NAA25: variants seen among roughly 807,000 people sequenced by gnomAD.
NAA25 encodes the protein N-alpha-acetyltransferase 25, NatB auxiliary subunit.
Under a neutral mutation model 132.5 loss-of-function variants are expected in NAA25, and 30 were observed. That is an observed-to-expected ratio of 0.23 (90% CI 0.17 to 0.31). The LOEUF (loss-of-function observed/expected upper bound fraction) is 0.31. NAA25 is among the 10% of genes least tolerant of loss of function. NAA25 has a pLI of 1.00. For missense variants in NAA25, 771 were observed against 1,150.4 expected (o/e 0.67, Z 4.77); for synonymous variants, 359 against 401.9 (o/e 0.89, Z 1.28).
At position 112,060,374 on chromosome 12, in the gene NAA25, A is replaced by T. The variant is rs1348838110; in HGVS notation, c.1358-15T>A. On this transcript the variant is annotated splice_polypyrimidine_tract_variant and intron_variant, in intron 12 of 23. Coordinates refer to ENST00000261745, the MANE Select transcript of NAA25 (RefSeq NM_024953.4). ...ACAGGTTTTCCCTATGGGGGAAAAA[A>T]ATCATATCTATTTTAACATTTGTTC... The T allele has an allele frequency of 6.5e-7, 1 of 1,540,698 alleles. No homozygotes were observed. Among genetic ancestry groups the T allele is most frequent in the Middle Eastern group, 1.7e-4 (1 of 5,926 alleles).
chr12:112,066,218 T>A (rs954170172), intron 11 of NAA25, among the ~76,000 whole-genome samples: 2 of 152,180 alleles, frequency 1.3e-5, no homozygotes, highest in Non-Finnish European at 2.9e-5. Flanking sequence ...CATCTAAAAG[T>A]AGCAAAGTGT....
At chr12:112,078,104 C>A in intron 7 of NAA25, 84 bp downstream of exon 7, 3 of 914,400 alleles carry the variant, frequency 3.3e-6, no homozygotes, top group Admixed American at 2.3e-5. Flanking sequence ...TCTTTATATC[C>A]TTATGTGGAA....
chr12:112,096,982 C>T (rs573328277), intron 1 of NAA25, among the ~76,000 whole-genome samples: 3 of 152,246 alleles, frequency 2.0e-5, no homozygotes, highest in Admixed American at 6.5e-5. Flanking sequence ...CTGTAGTTGA[C>T]GAGGTTCTGA....
At chr12:112,066,442 G>A (rs752895145) in intron 11 of NAA25, among the ~76,000 whole-genome samples, 1 of 152,174 alleles carries the variant, frequency 6.6e-6, no homozygotes, top group African/African-American at 2.4e-5. Flanking sequence ...TCACTACTAA[G>A]AAAGATATTT....
intron 7 of NAA25, 26 bp downstream of exon 7, chr12:112,078,162 G>C: frequency 6.9e-7 from 1 of 1,442,494 alleles, no homozygotes; most frequent in Non-Finnish European, 9.5e-7. Context: ...AAAAAAAAAA[G>C]CTTTAAGAAA....
chr12:112,096,426 C>G (rs769286385), intron 1 of NAA25, among the ~76,000 whole-genome samples: 12 of 152,200 alleles, frequency 7.9e-5, no homozygotes, highest in Non-Finnish European at 1.6e-4. Context: ...TTTTACTATA[C>G]TAAATTTTTC....
chr12:112,080,989 G>A (rs946949679), intron 5 of NAA25, 71 bp downstream of exon 5: 48 of 1,295,682 alleles, frequency 3.7e-5, no homozygotes, highest in South Asian at 9.6e-5. Context: ...CAGTTCAGAA[G>A]ACACACTGAG....
chr12:112,072,444 C>T (rs906339583), intron 9 of NAA25, among the ~76,000 whole-genome samples: 2 of 151,500 alleles, frequency 1.3e-5, no homozygotes, highest in African/African-American at 4.9e-5. Context: ...CCCATCTCTA[C>T]TAAAAGTATA....
intron 10 of NAA25, 126 bp from the exon 11 acceptor site, chr12:112,069,118 T>C (rs1053503659): frequency 2.4e-5 from 15 of 621,520 alleles, no homozygotes; most frequent in Non-Finnish European, 2.9e-5. Context: ...GGTCCCAAGA[T>C]AGCGGGTTAT....
At chr12:112,055,324 A>T (rs1197994103) in intron 13 of NAA25, among the ~76,000 whole-genome samples, 1 of 152,198 alleles carries the variant, frequency 6.6e-6, no homozygotes, top group Non-Finnish European at 1.5e-5. Flanking sequence ...AAACACACAC[A>T]CAGAAAATTC....
chr12:112,103,408 G>A (rs2079321789), intron 1 of NAA25, among the ~76,000 whole-genome samples: 1 of 152,194 alleles, frequency 6.6e-6, no homozygotes, highest in Non-Finnish European at 1.5e-5. Flanking sequence ...TTATGAGCAA[G>A]GTTTTGGTAT....
At chr12:112,075,599 C>T in intron 8 of NAA25, 79 bp downstream of exon 8, 1 of 1,212,962 alleles carries the variant, frequency 8.2e-7, no homozygotes. Flanking sequence ...AACTTCAAAA[C>T]ACAGACACCA....
chr12:112,074,561 G>A, intron 9 of NAA25, 114 bp downstream of exon 9: 1 of 568,336 alleles, frequency 1.8e-6, no homozygotes, highest in Non-Finnish European at 3.0e-6. Context: ...GTCTTACTTT[G>A]AAAGGAATAC....
intron 10 of NAA25, among the ~76,000 whole-genome samples, chr12:112,070,702 G>A (rs766685953): frequency 2.0e-5 from 3 of 151,784 alleles, no homozygotes; most frequent in African/African-American, 4.8e-5. Flanking sequence ...TCAGCCTCCC[G>A]AGTAGCTGAG....
Position 112,027,167 on chromosome 12 carries a change from A to C in NAA25, c.*2364T>G, listed in dbSNP as rs1289193905. On this transcript the variant is annotated 3_prime_UTR_variant, in exon 24 of 24. Coordinates refer to ENST00000261745, the MANE Select transcript of NAA25 (RefSeq NM_024953.4). ...TTTCTCCTTTCCTTTTTTAAATATC[A>C]GTTTACCACACAAAAACAAACAAAA... The C allele has an allele frequency of 6.6e-6, 1 of 152,552 alleles. No individual in the cohort carries two copies. 9.4% of individuals were successfully genotyped at this position (152,552 alleles called of 1,614,324 possible).
At chr12:112,072,517 G>A (rs2078827126) in intron 9 of NAA25, among the ~76,000 whole-genome samples, 1 of 151,190 alleles carries the variant, frequency 6.6e-6, no homozygotes, top group Non-Finnish European at 1.5e-5. Context: ...GCTGAGGCAG[G>A]AGAATCGCTT....
intron 6 of NAA25, 58 bp downstream of exon 6, chr12:112,078,576 T>C: frequency 2.1e-6 from 3 of 1,400,768 alleles, no homozygotes; most frequent in Non-Finnish European, 3.0e-6. Flanking sequence ...TATTATAACA[T>C]AATATTGTAG....
At chr12:112,056,737 A>C (rs1471294006) in intron 13 of NAA25, among the ~76,000 whole-genome samples, 2 of 152,186 alleles carry the variant, frequency 1.3e-5, no homozygotes, top group Non-Finnish European at 2.9e-5. Context: ...CCTATCACTG[A>C]CTTCAAGAAG....
rs2078118461 is a variant in NAA25, at chr12:112,029,200, C to A, written c.*331G>T. 2 of 257,508 alleles carry A rather than the reference C, an allele frequency of 7.8e-6. No homozygotes were observed. Among genetic ancestry groups the A allele is most frequent in the Non-Finnish European group, 1.5e-5 (2 of 132,602 alleles). 16.0% of individuals were successfully genotyped at this position (257,508 alleles called of 1,614,324 possible). A position where few individuals can be genotyped will look rare whatever the true frequency, so the allele number is the denominator to read the frequency against. Reference sequence around the variant, plus strand: ...GAGGTTGATGCTTTATGCTTAATTTCTATTGCTGTTTTTATAGACCCCCCG... The same window carrying A: ...GAGGTTGATGCTTTATGCTTAATTTATATTGCTGTTTTTATAGACCCCCCG... On this transcript the variant is annotated 3_prime_UTR_variant, in exon 24 of 24. Coordinates refer to ENST00000261745, the MANE Select transcript of NAA25 (RefSeq NM_024953.4).
Sources: gnomAD v4.1 joint callset for allele counts (sites outside exome capture counted in the v4.1 genomes callset) on GRCh38, gnomAD v4.1.1 for gene constraint, MANE v1.5 for transcripts, NCBI Gene and HGNC (gene_info 2026-07-23, HGNC 2026-07-21) for gene names.